SGCZ: variants seen among roughly 807,000 people sequenced by gnomAD.
SGCZ encodes sarcoglycan zeta.
In SGCZ, 40 loss-of-function variants were observed where a neutral mutation model predicts 41.3. The observed-to-expected ratio is 0.97, with a 90% CI of 0.75 to 1.26. The LOEUF is 1.26. Ranked by LOEUF, SGCZ falls within the 50% of genes most tolerant of loss-of-function variation. SGCZ has a pLI of 0.00. For synonymous variants in SGCZ, 206 were observed against 137.5 expected, an observed-to-expected ratio of 1.50 and a Z score of -3.49; for missense variants, 552 against 369.8, an observed-to-expected ratio of 1.49 and a Z score of -4.04.
chr8:15,223,837 G>T (rs568776887), intron 1 of SGCZ, among the ~76,000 whole-genome samples: 1 of 148,750 alleles, frequency 6.7e-6, no homozygotes, highest in African/African-American at 2.6e-5. Context: ...AGTTGCCAGC[G>T]AAAAGCTCCT....
At position 14,365,471 on chromosome 8, in the gene SGCZ, T is replaced by C. The variant is rs117634565; in HGVS notation, c.235-41267A>G. Among the ~76,000 whole-genome samples, 11 of 152,260 alleles carry C rather than the reference T, an allele frequency of 7.2e-5. No homozygotes were observed. In the East Asian group the frequency reaches 2.1e-3, roughly 29 times the overall value. On this transcript the variant is annotated intron_variant, in intron 2 of 7. Transcript: ENST00000382080. ...TGATTTAATCTGCTAACATATTGTG[T>C]ACAGTTTTGTTCATTGATTTCCATG... is the stretch of plus-strand genomic sequence containing the variant.
intron 1 of SGCZ, among the ~76,000 whole-genome samples, chr8:14,727,793 C>A (rs532241310): frequency 6.6e-6 from 1 of 151,950 alleles, no homozygotes; most frequent in Non-Finnish European, 1.5e-5. Context: ...CGTGAGCCAC[C>A]GCGCCCAGCC....
intron 1 of SGCZ, among the ~76,000 whole-genome samples, chr8:14,962,941 C>T (rs1255686114): frequency 6.6e-6 from 1 of 152,116 alleles, no homozygotes; most frequent in African/African-American, 2.4e-5. Context: ...GGGATTAGCC[C>T]TGTTCTAGTA....
chr8:14,996,539 G>C (rs1802226602), intron 1 of SGCZ, among the ~76,000 whole-genome samples: 1 of 152,160 alleles, frequency 6.6e-6, no homozygotes, highest in African/African-American at 2.4e-5. Context: ...GTAGCTGGGA[G>C]TACAGGTGCA....
intron 1 of SGCZ, among the ~76,000 whole-genome samples, chr8:14,666,315 C>A (rs116921249): frequency 6.6e-6 from 1 of 152,234 alleles, no homozygotes; most frequent in East Asian, 1.9e-4. Context: ...TCATCAATTA[C>A]TCACAATCAG....
intron 5 of SGCZ, among the ~76,000 whole-genome samples, chr8:14,146,515 CA>C (rs1409482739): frequency 6.6e-6 from 1 of 152,006 alleles, no homozygotes; most frequent in Non-Finnish European, 1.5e-5. Context: ...ACTCACTGGC[CA>C]TAGTAAGTAA....
intron 1 of SGCZ, among the ~76,000 whole-genome samples, chr8:14,743,811 A>T (rs1239702036): frequency 6.6e-6 from 1 of 152,162 alleles, no homozygotes; most frequent in Non-Finnish European, 1.5e-5. Context: ...ATTCAAAATT[A>T]TCATGCTCAT....
At chr8:14,330,693 C>T (rs893764038) in intron 2 of SGCZ, among the ~76,000 whole-genome samples, 1 of 151,904 alleles carries the variant, frequency 6.6e-6, no homozygotes, top group African/African-American at 2.4e-5. Flanking sequence ...GTAATTCACT[C>T]CCTCCTCTTG....
intron 4 of SGCZ, among the ~76,000 whole-genome samples, chr8:14,215,067 T>C (rs1270045936): frequency 1.3e-5 from 2 of 152,132 alleles, no homozygotes; most frequent in Non-Finnish European, 2.9e-5. Flanking sequence ...CAGACACACA[T>C]TATTTTCAAG....
At chr8:14,204,927 C>G (rs1450076944) in intron 4 of SGCZ, among the ~76,000 whole-genome samples, 2 of 152,076 alleles carry the variant, frequency 1.3e-5, no homozygotes, top group Non-Finnish European at 1.5e-5. Flanking sequence ...TACTGGAATT[C>G]CAGGTCTCCA....
chr8:15,218,839 A>C (rs1350536965), intron 1 of SGCZ, among the ~76,000 whole-genome samples: 2 of 152,222 alleles, frequency 1.3e-5, no homozygotes, highest in Non-Finnish European at 2.9e-5. Context: ...TACAATTATT[A>C]ATCTCATTTT....
intron 2 of SGCZ, among the ~76,000 whole-genome samples, chr8:14,372,949 G>A (rs1271359885): frequency 6.6e-6 from 1 of 152,108 alleles, no homozygotes; most frequent in Non-Finnish European, 1.5e-5. Context: ...TTTGAGCATA[G>A]ATGTGACATT....
chr8:14,902,208 C>T (rs1295704146), intron 1 of SGCZ, among the ~76,000 whole-genome samples: 1 of 152,056 alleles, frequency 6.6e-6, no homozygotes, highest in Non-Finnish European at 1.5e-5. Flanking sequence ...TACCCAGATC[C>T]CTTGTCAAGC....
intron 3 of SGCZ, among the ~76,000 whole-genome samples, chr8:14,303,332 G>A (rs1585339662): frequency 6.6e-6 from 1 of 151,922 alleles, no homozygotes; most frequent in Admixed American, 6.6e-5. Context: ...GGAGGTTAGG[G>A]TTACTTTGAA....
intron 1 of SGCZ, among the ~76,000 whole-genome samples, chr8:14,687,560 T>C (rs1447694269): frequency 6.6e-6 from 1 of 151,894 alleles, no homozygotes; most frequent in Non-Finnish European, 1.5e-5. Flanking sequence ...TTCCATGGTG[T>C]ATATGTGCCA....
chr8:14,836,004 A>T (rs1563303967), intron 1 of SGCZ, among the ~76,000 whole-genome samples: 1 of 152,298 alleles, frequency 6.6e-6, no homozygotes, highest in East Asian at 1.9e-4. Context: ...CTTGAAATAA[A>T]GCAGCTGAAA....
intron 1 of SGCZ, among the ~76,000 whole-genome samples, chr8:15,172,833 GAATTCTTCATAGC>G (rs1799885020): frequency 6.6e-6 from 1 of 152,088 alleles, no homozygotes; most frequent in Non-Finnish European, 1.5e-5. Flanking sequence ...GATTTTACCT[GAATTCTTCATAGC>G]AATATATAAA....
intron 2 of SGCZ, among the ~76,000 whole-genome samples, chr8:14,390,467 GATAA>G (rs1454110695): frequency 6.6e-6 from 1 of 151,690 alleles, no homozygotes; most frequent in Non-Finnish European, 1.5e-5. Context: ...TATATATGTA[GATAA>G]ATAAAAGACT....
rs374278969 is a variant in SGCZ at position 14,680,963 on chromosome 8, G to GAAAAAAAAAAAAAAAAAAAAAAAAA, written c.40-126038_40-126037insTTTTTTTTTTTTTTTTTTTTTTTTT. Among the ~76,000 whole-genome samples the GAAAAAAAAAAAAAAAAAAAAAAAAA allele has an allele frequency of 1.9e-5, 2 of 106,180 alleles. 1 individual carries two copies. 69.7% of individuals were successfully genotyped at this position (106,180 alleles called of 152,430 possible). On this transcript the variant is annotated intron_variant, in intron 1 of 7. Coordinates refer to ENST00000382080, the MANE Select transcript of SGCZ (RefSeq NM_139167.4). ...TGAAACATACAGAGGAAAAAGAGTG[G>GAAAAAAAAAAAAAAAAAAAAAAAAA]GAAAAAAAAAAAAAAAAACAGAAAA... is the stretch of plus-strand genomic sequence containing the variant.
Sources: gnomAD v4.1 joint callset for allele counts (sites outside exome capture counted in the v4.1 genomes callset) on GRCh38, gnomAD v4.1.1 for gene constraint, MANE v1.5 for transcripts, NCBI Gene and HGNC (gene_info 2026-07-23, HGNC 2026-07-21) for gene names.